SPRY1: variants seen among roughly 807,000 people sequenced by gnomAD.
The protein encoded by SPRY1 is sprouty RTK signaling antagonist 1.
SPRY1 carries 20 observed loss-of-function variants against 22.6 expected under a neutral mutation model. The ratio of observed to expected loss-of-function variants is 0.89; its 90% CI spans 0.62 to 1.29. SPRY1 has a LOEUF of 1.29. Ranked by LOEUF, SPRY1 falls within the 50% of genes most tolerant of loss-of-function variation. The probability of loss-of-function intolerance (pLI) is 0.00; values close to 1 mark genes in which losing one functional copy is unlikely to be tolerated. For synonymous variants in SPRY1, 155 were observed against 144.7 expected (o/e 1.07, Z -0.51); for missense variants, 446 against 387.7 (o/e 1.15, Z -1.26).
In SPRY1 at chr4:123,402,226, C is replaced by T. The variant is rs1725198441; in HGVS notation, c.635C>T (p.Ala212Val). 6.2e-7 allele frequency: 1 copy of T among 1,614,250 alleles called. No individual in the cohort carries two copies. Among genetic ancestry groups the T allele is most frequent in the Non-Finnish European group, 8.5e-7 (1 of 1,180,048 alleles). The change falls in exon 3 of 3, where the codon GCT (alanine) becomes GTT (valine). Residue 212 changes from alanine (A) to valine (V), a missense_variant. By Grantham distance (64) the Ala-to-Val change is moderately conservative. Transcript: ENST00000651917. ...TGTAACCGGCAGTGCCTTTGCTCTG[C>T]TGAGAGCATGGTGGAATATGGAACC... Reference protein sequence around the residue: ...LACNRQCLCSAESMVEYGTCM... With the variant: ...LACNRQCLCSVESMVEYGTCM...
At position 123,402,982 on chromosome 4, in the gene SPRY1, A is replaced by T. The variant is rs1471049115; in HGVS notation, c.*431A>T. ...ATTGCTTAAATAAGCTATGTATTAAATCTGTCTCCAGTTAGGGCTATCTTC... is the reference window on the plus strand; with the variant it reads ...ATTGCTTAAATAAGCTATGTATTAATTCTGTCTCCAGTTAGGGCTATCTTC... On this transcript the variant is annotated 3_prime_UTR_variant, in exon 3 of 3. Coordinates refer to ENST00000651917, the MANE Select transcript of SPRY1 (RefSeq NM_001258038.2). The T allele has an allele frequency of 2.4e-6, 1 of 420,318 alleles. No homozygotes were observed. Among genetic ancestry groups the T allele is most frequent in the Non-Finnish European group, 4.4e-6 (1 of 229,818 alleles). The allele number at this position is 420,318 out of a possible 1,614,324, so 26.0% of individuals were successfully genotyped here.
At chr4:123,401,028 T>G (rs951060606) in intron 2 of SPRY1, among the ~76,000 whole-genome samples, 1 of 152,236 alleles carries the variant, frequency 6.6e-6, no homozygotes, top group African/African-American at 2.4e-5. Flanking sequence ...CTCAATTTTT[T>G]AATGCCTTAA....
chr4:123,399,935 A>G (rs1341797886), intron 2 of SPRY1: 1 of 151,986 alleles, frequency 6.6e-6, no homozygotes, highest in Non-Finnish European at 1.5e-5. Flanking sequence ...CTTTGCTTTT[A>G]ATTTTTTTGT....
chr4:123,402,872 C>T lies in SPRY1; in HGVS notation c.*321C>T. ...AAAGTTGTGTACATGAACATACACC[C>T]ACATCCAGACTACAGTGATTTAGAG... On this transcript the variant is annotated 3_prime_UTR_variant, in exon 3 of 3. Transcript: ENST00000651917. 4.2e-6 allele frequency: 2 copies of T among 476,838 alleles called. No individual in the cohort carries two copies. Among genetic ancestry groups the T allele is most frequent in the Non-Finnish European group, 7.6e-6 (2 of 263,806 alleles). The allele number at this position is 476,838 out of a possible 1,614,324, so 29.5% of individuals were successfully genotyped here.
chr4:123,402,128 C>T lies in SPRY1; in HGVS notation c.537C>T (p.Phe179=). The change falls in exon 3 of 3, where the codon TTC becomes TTT. Residue 179 remains phenylalanine, a synonymous_variant. Coordinates refer to ENST00000651917, the MANE Select transcript of SPRY1 (RefSeq NM_001258038.2). ...AAGAGGACCTGACACAGCACAAGTTCATTTGTGAACAGTGTGGGAAGTGCA... is the reference window on the plus strand; with the variant it reads ...AAGAGGACCTGACACAGCACAAGTTTATTTGTGAACAGTGTGGGAAGTGCA... The part of the protein sequence containing the change: ...SLKEDLTQHK[F]ICEQCGKCKC... 6.2e-7 allele frequency: 1 copy of T among 1,614,216 alleles called. No homozygotes were observed. The highest frequency in any genetic ancestry group is 8.5e-7 in the Non-Finnish European group (1 of 1,180,032).
chr4:123,402,140 G>C lies in SPRY1; in HGVS notation c.549G>C (p.Gln183His), dbSNP rs1391165635. 3 of 1,614,212 alleles carry C rather than the reference G, an allele frequency of 1.9e-6. No individual in the cohort carries two copies. The Admixed American group carries it at 5.0e-5, about 27-fold the overall frequency. ...DLTQHKFICEQCGKCKCGECT... is the reference protein window; with the variant it reads ...DLTQHKFICEHCGKCKCGECT... ...CACAGCACAAGTTCATTTGTGAACA[G>C]TGTGGGAAGTGCAAGTGTGGAGAAT... The change falls in exon 3 of 3, where the codon CAG (glutamine) becomes CAC (histidine). Residue 183 changes from glutamine (Q) to histidine (H), a missense_variant. Gln to His is a conservative substitution (Grantham distance 24). Transcript: ENST00000651917.
chr4:123,402,072 C>G lies in SPRY1; in HGVS notation c.481C>G (p.Leu161Val). Residue 161 changes from leucine to valine, a missense_variant, in exon 3 of 3, where the codon CTG (leucine) becomes GTG (valine). Coordinates refer to ENST00000651917, the MANE Select transcript of SPRY1 (RefSeq NM_001258038.2). ...ERAIRTQPKQLIVDDLKGSLK... is the reference protein window; with the variant it reads ...ERAIRTQPKQVIVDDLKGSLK... The stretch of plus-strand genomic sequence containing the variant: ...GGCAATCCGGACCCAGCCCAAGCAA[C>G]TGATTGTGGATGACTTGAAGGGTTC... 1 of 1,614,192 alleles carries G rather than the reference C, an allele frequency of 6.2e-7. No homozygotes were observed. Among genetic ancestry groups the G allele is most frequent in the Non-Finnish European group, 8.5e-7 (1 of 1,180,036 alleles).
At chr4:123,397,199 C>T (rs115831507) in intron 1 of SPRY1, among the ~76,000 whole-genome samples, 5,384 of 152,298 alleles carry the variant, frequency 0.035, 147 homozygotes, top group Middle Eastern at 0.16. Flanking sequence ...TTGTGAAACA[C>T]AGAGCCGTTA....
intron 2 of SPRY1, chr4:123,398,283 G>C (rs1333888616): frequency 1.3e-5 from 2 of 152,128 alleles, no homozygotes; most frequent in African/African-American, 2.4e-5. Context: ...GTCCGGGCCC[G>C]GCCGCGCGGA....
At position 123,402,138 on chromosome 4, in the gene SPRY1, C is replaced by T. The variant is rs752678914; in HGVS notation, c.547C>T (p.Gln183Ter). 6.2e-7 allele frequency: 1 copy of T among 1,614,170 alleles called. No homozygotes were observed. Among genetic ancestry groups the T allele is most frequent in the South Asian group, 1.1e-5 (1 of 91,080 alleles). Reference sequence around the variant, plus strand: ...GACACAGCACAAGTTCATTTGTGAACAGTGTGGGAAGTGCAAGTGTGGAGA... The same window carrying T: ...GACACAGCACAAGTTCATTTGTGAATAGTGTGGGAAGTGCAAGTGTGGAGA... Reference protein sequence around the residue: ...DLTQHKFICEQCGKCKCGECT... With the variant: ...DLTQHKFICE Residue 183 changes from glutamine (Q) to a stop codon, truncating the protein, a stop_gained, in exon 3 of 3, where the codon CAG becomes TAG. Transcript: ENST00000651917. LOFTEE classifies it high-confidence loss of function.
At position 123,402,611 on chromosome 4, in the gene SPRY1, T is replaced by A; in HGVS notation, c.*60T>A. On this transcript the variant is annotated 3_prime_UTR_variant, in exon 3 of 3. Transcript: ENST00000651917. The stretch of plus-strand genomic sequence containing the variant: ...GCTTTCAAGTTGTGGCTGTTTTTTG[T>A]TTTTGTTTTTGTTTTTGTTTTCTTT... The A allele has an allele frequency of 6.6e-7, 1 of 1,508,522 alleles. No individual in the cohort carries two copies. Among genetic ancestry groups the A allele is most frequent in the Non-Finnish European group, 8.9e-7 (1 of 1,128,948 alleles). The allele number at this position is 1,508,522 out of a possible 1,614,324, so 93.4% of individuals were successfully genotyped here. A position where few individuals can be genotyped will look rare whatever the true frequency, so the allele number is the denominator to read the frequency against.
In SPRY1 at chr4:123,402,786, T is replaced by C. The variant is rs1725229147; in HGVS notation, c.*235T>C. Reference sequence around the variant, plus strand: ...TTCAACAAGAGCCTCTGCCATCCACTTGAGGGTATTGAGAGCCAGTGGGCT... The same window carrying C: ...TTCAACAAGAGCCTCTGCCATCCACCTGAGGGTATTGAGAGCCAGTGGGCT... On this transcript the variant is annotated 3_prime_UTR_variant, in exon 3 of 3. Coordinates refer to ENST00000651917, the MANE Select transcript of SPRY1 (RefSeq NM_001258038.2). The C allele has an allele frequency of 1.7e-6, 1 of 578,848 alleles. No individual in the cohort carries two copies. Among genetic ancestry groups the C allele is most frequent in the South Asian group, 2.9e-5 (1 of 34,886 alleles). 35.9% of individuals were successfully genotyped at this position (578,848 alleles called of 1,614,324 possible). A position where few individuals can be genotyped will look rare whatever the true frequency, so the allele number is the denominator to read the frequency against.
At position 123,402,406 on chromosome 4, in the gene SPRY1, G is replaced by C. The variant is rs1725209338; in HGVS notation, c.815G>C (p.Cys272Ser). 6.2e-7 allele frequency: 1 copy of C among 1,614,148 alleles called. No homozygotes were observed. Among genetic ancestry groups the C allele is most frequent in the South Asian group, 1.1e-5 (1 of 91,080 alleles). The change falls in exon 3 of 3, where the codon TGT becomes TCT. Residue 272 changes from cysteine to serine, a missense_variant. Coordinates refer to ENST00000651917, the MANE Select transcript of SPRY1 (RefSeq NM_001258038.2). ...TCTTTATTTTTACCTTGCTTACTCT[G>C]TTATCCTCCTGCTAAAGGATGCCTG... ...AMSLFLPCLL[C>S]YPPAKGCLKL...
At position 123,402,599 on chromosome 4, in the gene SPRY1, G is replaced by A. The variant is rs1485454737; in HGVS notation, c.*48G>A. On this transcript the variant is annotated 3_prime_UTR_variant, in exon 3 of 3. Transcript: ENST00000651917. ...CCTGAACTTTTAGCTTTCAAGTTGT[G>A]GCTGTTTTTTGTTTTTGTTTTTGTT... is the stretch of plus-strand genomic sequence containing the variant. 1.3e-6 allele frequency: 2 copies of A among 1,538,890 alleles called. No homozygotes were observed. Among genetic ancestry groups the A allele is most frequent in the Admixed American group, 2.2e-5 (1 of 45,308 alleles).
intron 1 of SPRY1, among the ~76,000 whole-genome samples, chr4:123,397,154 G>T (rs1724944306): frequency 6.6e-6 from 1 of 152,108 alleles, no homozygotes. Flanking sequence ...TTCCTTAACC[G>T]AACAGTAGAC....
At chr4:123,401,470 C>CGTGG in intron 2 of SPRY1, 67 bp from the exon 3 acceptor site, 1 of 1,160,168 alleles carries the variant, frequency 8.6e-7, no homozygotes, top group Non-Finnish European at 1.2e-6. Flanking sequence ...GACAGGATTC[C>CGTGG]CCCCCCCCAA....
rs778412478 is a variant in SPRY1, at chr4:123,401,605, A to G, written c.14A>G (p.Asn5Ser). ...AGATCACTACACATGGATCCCCAAA[A>G]TCAACATGGCAGTGGCAGTTCGTTA... MDPQNQHGSGSSLVV... is the reference protein window; with the variant it reads MDPQSQHGSGSSLVV... Residue 5 changes from asparagine to serine, a missense_variant, in exon 3 of 3, where the codon AAT becomes AGT. Physicochemically the swap from Asn to Ser is conservative, Grantham distance 46. Transcript: ENST00000651917. 1.9e-6 allele frequency: 3 copies of G among 1,614,114 alleles called. No individual in the cohort carries two copies. Among genetic ancestry groups the G allele is most frequent in the South Asian group, 1.1e-5 (1 of 91,070 alleles).
In SPRY1 at chr4:123,402,709, C is replaced by T. The variant is rs1725226928; in HGVS notation, c.*158C>T. ...TAACTCATGGATTTTTCTCTTTCCT[C>T]ATGGATGATCTTCAGCAAGAGTGGA... On this transcript the variant is annotated 3_prime_UTR_variant, in exon 3 of 3. Transcript: ENST00000651917. 1.1e-6 allele frequency: 1 copy of T among 947,730 alleles called. No individual in the cohort carries two copies. Among genetic ancestry groups the T allele is most frequent in the African/African-American group, 1.6e-5 (1 of 60,782 alleles). 58.7% of individuals were successfully genotyped at this position (947,730 alleles called of 1,614,324 possible).
At chr4:123,397,542 C>T (rs1488374434) in intron 1 of SPRY1, 69 bp from the exon 2 acceptor site, 1 of 152,158 alleles carries the variant, frequency 6.6e-6, no homozygotes, top group Non-Finnish European at 1.5e-5. Flanking sequence ...GGCCAGCGGC[C>T]CGCCCGGGGT....
Sources: gnomAD v4.1 joint callset for allele counts (sites outside exome capture counted in the v4.1 genomes callset) on GRCh38, gnomAD v4.1.1 for gene constraint, MANE v1.5 for transcripts, NCBI Gene and HGNC (gene_info 2026-07-23, HGNC 2026-07-21) for gene names.